CCR2: variants seen among roughly 807,000 people sequenced by gnomAD.
CCR2 encodes the protein C-C motif chemokine receptor 2, also known as C-C chemokine receptor type 2.
For synonymous variants in CCR2, 183 were observed against 177.1 expected (o/e 1.03, Z -0.27); for missense variants, 408 against 440.0 (o/e 0.93, Z 0.65).
rs891301645 is a variant in CCR2 at position 46,359,540 on chromosome 3, G to T, written c.*930G>T. The T allele has an allele frequency of 1.0e-5, 11 of 1,051,306 alleles. No homozygotes were observed. The highest frequency in any genetic ancestry group is 1.3e-5 in the Non-Finnish European group (10 of 746,104). 65.1% of individuals were successfully genotyped at this position (1,051,306 alleles called of 1,614,324 possible). On this transcript the variant is annotated 3_prime_UTR_variant, in exon 2 of 2. Coordinates refer to ENST00000445132, the MANE Select transcript of CCR2 (RefSeq NM_001123396.4). ...GTGGAACCACTGCAGAACTATTTCC[G>T]AAATCAACTAAGTGGAGAGAGCCAG... is the stretch of plus-strand genomic sequence containing the variant.
intron 1 of CCR2, among the ~76,000 whole-genome samples, chr3:46,355,388 G>A (rs1701433507): frequency 6.6e-6 from 1 of 152,166 alleles, no homozygotes; most frequent in Admixed American, 6.5e-5. Context: ...ATGAAGAGAA[G>A]ATGGCTGTGA....
chr3:46,356,320 A>T (rs1701450238), intron 1 of CCR2, among the ~76,000 whole-genome samples: 1 of 152,148 alleles, frequency 6.6e-6, no homozygotes, highest in Non-Finnish European at 1.5e-5. Flanking sequence ...AAAATTAAAG[A>T]GGTGAGAGCT....
Position 46,357,935 on chromosome 3 carries a change from C to G in CCR2, c.408C>G (p.Ile136Met), listed in dbSNP as rs781525332. ...GGIFFIILLT[I>M]DRYLAIVHAV... ...TCTTCTTCATCATCCTCCTGACAATCGATAGATACCTGGCTATTGTCCATG... is the reference window on the plus strand; with the variant it reads ...TCTTCTTCATCATCCTCCTGACAATGGATAGATACCTGGCTATTGTCCATG... The change falls in exon 2 of 2, where the codon ATC (isoleucine) becomes ATG (methionine). Residue 136 changes from isoleucine (I) to methionine (M), a missense_variant. Physicochemically the swap from Ile to Met is conservative, Grantham distance 10. Coordinates refer to ENST00000445132, the MANE Select transcript of CCR2 (RefSeq NM_001123396.4). The G allele has an allele frequency of 6.2e-7, 1 of 1,614,136 alleles. No individual in the cohort carries two copies. Among genetic ancestry groups the G allele is most frequent in the Admixed American group, 1.7e-5 (1 of 60,026 alleles).
intron 1 of CCR2, among the ~76,000 whole-genome samples, 164 bp downstream of exon 1, chr3:46,354,341 G>A (rs1701413682): frequency 1.3e-5 from 2 of 152,178 alleles, no homozygotes; most frequent in African/African-American, 2.4e-5. Context: ...TGTGCACCAG[G>A]AGATGTTAGA....
At chr3:46,356,520 T>C (rs1701454349) in intron 1 of CCR2, among the ~76,000 whole-genome samples, 1 of 151,998 alleles carries the variant, frequency 6.6e-6, no homozygotes, top group South Asian at 2.1e-4. Context: ...ATTTGAAAAA[T>C]TGGGTTGTCA....
chr3:46,356,536 A>G (rs1701455375), intron 1 of CCR2, among the ~76,000 whole-genome samples: 2 of 152,356 alleles, frequency 1.3e-5, no homozygotes, highest in South Asian at 2.1e-4. Flanking sequence ...TGTCACTGCA[A>G]TCTTAACAAG....
At position 46,359,664 on chromosome 3, in the gene CCR2, C is replaced by A; in HGVS notation, c.*1054C>A. On this transcript the variant is annotated 3_prime_UTR_variant, in exon 2 of 2. Coordinates refer to ENST00000445132, the MANE Select transcript of CCR2 (RefSeq NM_001123396.4). The stretch of plus-strand genomic sequence containing the variant: ...GCCTTGCCACTCCCCTCACTCTTCT[C>A]TTTTCCCCACAGCCTTTTTCACATA... The A allele has an allele frequency of 6.2e-7, 1 of 1,604,738 alleles. No homozygotes were observed. The highest frequency in any genetic ancestry group is 8.5e-7 in the Non-Finnish European group (1 of 1,177,180).
Position 46,357,592 on chromosome 3 carries a change from C to A in CCR2, c.65C>A (p.Thr22Asn). Residue 22 changes from threonine to asparagine, a missense_variant, in exon 2 of 2, where the codon ACC (threonine) becomes AAC (asparagine). Coordinates refer to ENST00000445132, the MANE Select transcript of CCR2 (RefSeq NM_001123396.4). ...NTNESGEEVT[T>N]FFDYDYGAPC... Reference sequence around the variant, plus strand: ...AACGAGAGCGGTGAAGAAGTCACCACCTTTTTTGATTATGATTACGGTGCT... The same window carrying A: ...AACGAGAGCGGTGAAGAAGTCACCAACTTTTTTGATTATGATTACGGTGCT... The A allele has an allele frequency of 6.2e-7, 1 of 1,614,036 alleles. No homozygotes were observed. The highest frequency in any genetic ancestry group is 8.5e-7 in the Non-Finnish European group (1 of 1,179,980).
In CCR2 at chr3:46,359,929, T is replaced by C; in HGVS notation, c.*1319T>C. 1.4e-6 allele frequency: 2 copies of C among 1,444,332 alleles called. No individual in the cohort carries two copies. Among genetic ancestry groups the C allele is most frequent in the Admixed American group, 4.0e-5 (2 of 50,052 alleles). The allele number at this position is 1,444,332 out of a possible 1,614,324, so 89.5% of individuals were successfully genotyped here. On this transcript the variant is annotated 3_prime_UTR_variant, in exon 2 of 2. Coordinates refer to ENST00000445132, the MANE Select transcript of CCR2 (RefSeq NM_001123396.4). The stretch of plus-strand genomic sequence containing the variant: ...CTTCACAGATGTGTGATTCACAGTG[T>C]GAATCTTGGTGTCTACGTTACCAGG...
In CCR2 at chr3:46,359,561, G is replaced by A. The variant is rs1575274296; in HGVS notation, c.*951G>A. ...TTCCGAAATCAACTAAGTGGAGAGAGCCAGGAAGGCTGCATCAGAACCCAG... is the reference window on the plus strand; with the variant it reads ...TTCCGAAATCAACTAAGTGGAGAGAACCAGGAAGGCTGCATCAGAACCCAG... On this transcript the variant is annotated 3_prime_UTR_variant, in exon 2 of 2. Transcript: ENST00000445132. 2 of 1,131,550 alleles carry A rather than the reference G, an allele frequency of 1.8e-6. No individual in the cohort carries two copies. Among genetic ancestry groups the A allele is most frequent in the South Asian group, 3.2e-5 (2 of 62,992 alleles). The allele number at this position is 1,131,550 out of a possible 1,614,324, so 70.1% of individuals were successfully genotyped here.
At chr3:46,355,856 G>T (rs2106714820) in intron 1 of CCR2, among the ~76,000 whole-genome samples, 1 of 152,336 alleles carries the variant, frequency 6.6e-6, no homozygotes, top group South Asian at 2.1e-4. Flanking sequence ...GCACTTGAAG[G>T]AGTAATTGGC....
intron 1 of CCR2, among the ~76,000 whole-genome samples, chr3:46,355,233 G>A (rs1417793890): frequency 6.6e-6 from 1 of 152,200 alleles, no homozygotes; most frequent in African/African-American, 2.4e-5. Flanking sequence ...TAATATGACA[G>A]AGGATACAGA....
rs1701535186 is a variant in CCR2, at chr3:46,360,640, A to G, written c.*2030A>G. The G allele has an allele frequency of 6.6e-6, 1 of 152,212 alleles. No individual in the cohort carries two copies. Among genetic ancestry groups the G allele is most frequent in the Non-Finnish European group, 1.5e-5 (1 of 68,050 alleles). The allele number at this position is 152,212 out of a possible 1,614,324, so 9.4% of individuals were successfully genotyped here. ...GTCGAGCCAAGTTAAGAATGTTCTT[A>G]TGTTGCCCAGTGTGTTTCTGATCTG... On this transcript the variant is annotated 3_prime_UTR_variant, in exon 2 of 2. Transcript: ENST00000445132.
chr3:46,357,926 C>G lies in CCR2; in HGVS notation c.399C>G (p.Leu133=). The G allele has an allele frequency of 6.2e-7, 1 of 1,614,200 alleles. No individual in the cohort carries two copies. The highest frequency in any genetic ancestry group is 2.2e-5 in the East Asian group (1 of 44,888). Residue 133 remains leucine (L), a synonymous_variant, in exon 2 of 2, where the codon CTC becomes CTG. Transcript: ENST00000445132. The stretch of plus-strand genomic sequence containing the variant: ...TTGGCGGAATCTTCTTCATCATCCT[C>G]CTGACAATCGATAGATACCTGGCTA... ...GYFGGIFFII[L]LTIDRYLAIV...
At position 46,357,701 on chromosome 3, in the gene CCR2, GGGCAACATGCT is replaced by G; in HGVS notation, c.177_187del (p.Asn60ArgfsTer15). ...CGCTGGTGTTCATCTTTGGTTTTGTGGGCAACATGCTGGTCGTCCTCATCTTAATAAACTGC... is the reference window on the plus strand; with the variant it reads ...CGCTGGTGTTCATCTTTGGTTTTGTGGGTCGTCCTCATCTTAATAAACTGC... On this transcript the variant is annotated frameshift_variant, in exon 2 of 2. Transcript: ENST00000445132. LOFTEE classifies it low-confidence loss of function (END_TRUNC). 6.2e-7 allele frequency: 1 copy of G among 1,614,076 alleles called. No individual in the cohort carries two copies. Among genetic ancestry groups the G allele is most frequent in the Non-Finnish European group, 8.5e-7 (1 of 1,180,010 alleles).
chr3:46,357,369 G>A (rs1314124166), intron 1 of CCR2, 108 bp from the exon 2 acceptor site: 1 of 724,778 alleles, frequency 1.4e-6, no homozygotes, highest in Non-Finnish European at 2.3e-6. Flanking sequence ...ATGGCTGCAA[G>A]GGAGAGGGCA....
intron 1 of CCR2, among the ~76,000 whole-genome samples, chr3:46,356,918 C>CA (rs10544963): frequency 9.3e-4 from 122 of 130,998 alleles, no homozygotes; most frequent in South Asian, 4.1e-3. Context: ...ACTCCGTCTC[C>CA]AAAAAAAAAA....
In CCR2 at chr3:46,358,185, A is replaced by G; in HGVS notation, c.658A>G (p.Ile220Val). ...GLVLPLLIMVICYSGILKTLL... is the reference protein window; with the variant it reads ...GLVLPLLIMVVCYSGILKTLL... ...GGTCCTGCCGCTGCTCATCATGGTC[A>G]TCTGCTACTCGGGAATCCTGAAAAC... The change falls in exon 2 of 2, where the codon ATC becomes GTC. Residue 220 changes from isoleucine to valine, a missense_variant. Coordinates refer to ENST00000445132, the MANE Select transcript of CCR2 (RefSeq NM_001123396.4). 6.2e-7 allele frequency: 1 copy of G among 1,614,220 alleles called. No individual in the cohort carries two copies. Among genetic ancestry groups the G allele is most frequent in the South Asian group, 1.1e-5 (1 of 91,084 alleles).
At chr3:46,357,371 G>A in intron 1 of CCR2, 106 bp from the exon 2 acceptor site, 1 of 734,934 alleles carries the variant, frequency 1.4e-6, no homozygotes, top group East Asian at 2.6e-5. Flanking sequence ...GGCTGCAAGG[G>A]AGAGGGCAAA....
Sources: allele counts gnomAD v4.1 joint callset (sites outside exome capture counted in the v4.1 genomes callset), GRCh38; gene constraint gnomAD v4.1.1; transcripts MANE v1.5; gene names NCBI Gene and HGNC (gene_info 2026-07-23, HGNC 2026-07-21).